Variants in NUDT12 observed in about 807,000 individuals in gnomAD.
The protein encoded by NUDT12 is nudix hydrolase 12, also known as NAD-capped RNA hydrolase NUDT12.
NUDT12 carries 42 observed loss-of-function variants against 45.7 expected under a neutral mutation model. That is an observed-to-expected ratio of 0.92 (90% CI 0.72 to 1.19). The LOEUF (loss-of-function observed/expected upper bound fraction) is 1.19. NUDT12 is among the 50% of genes most tolerant of loss of function. The probability of loss-of-function intolerance (pLI) is 0.00; values close to 1 mark genes in which losing one functional copy is unlikely to be tolerated. For missense variants in NUDT12, 590 were observed against 533.1 expected (o/e 1.11, Z -1.05); for synonymous variants, 206 against 179.7 (o/e 1.15, Z -1.17).
At chr5:103,553,121 T>C (rs561253417) in intron 5 of NUDT12, among the ~76,000 whole-genome samples, 15 of 152,184 alleles carry the variant, frequency 9.9e-5, no homozygotes, top group South Asian at 4.1e-4. Context: ...ATTTTAAATA[T>C]AGCTTTCTAT....
rs1271952078 is a variant in NUDT12, at chr5:103,550,747, A to G, written c.*114T>C. The G allele has an allele frequency of 6.0e-6, 4 of 667,142 alleles. No homozygotes were observed. Among genetic ancestry groups the G allele is most frequent in the Admixed American group, 5.4e-5 (2 of 36,762 alleles). 41.3% of individuals were successfully genotyped at this position (667,142 alleles called of 1,614,324 possible). A position where few individuals can be genotyped will look rare whatever the true frequency, so the allele number is the denominator to read the frequency against. Reference sequence around the variant, plus strand: ...ACTTTGAAAATATTTCGAAAACCCAACATCGTATTTTGTGTTGTGACACTC... The same window carrying G: ...ACTTTGAAAATATTTCGAAAACCCAGCATCGTATTTTGTGTTGTGACACTC... On this transcript the variant is annotated 3_prime_UTR_variant, in exon 7 of 7. Coordinates refer to ENST00000230792, the MANE Select transcript of NUDT12 (RefSeq NM_031438.4).
intron 1 of NUDT12, 79 bp from the exon 2 acceptor site, chr5:103,560,333 T>C (rs567010042): frequency 1.2e-6 from 1 of 810,880 alleles, no homozygotes; most frequent in South Asian, 1.6e-5. Flanking sequence ...TAAATAGCAA[T>C]AGAATAATAG....
rs1200751844 is a variant in NUDT12 at position 103,558,901 on chromosome 5, C to G, written c.774G>C (p.Leu258=). ...TACCAGCTTCTTTTTCTTTCAATTG[C>G]AGAAGGGCTGGCATAGGAGGATGAA... The part of the protein sequence containing the change: ...YFLHPPMPAL[L]QLKEKEAGVV... The change falls in exon 3 of 7, where the codon CTG becomes CTC. Residue 258 remains leucine (L), a synonymous_variant. Coordinates refer to ENST00000230792, the MANE Select transcript of NUDT12 (RefSeq NM_031438.4). The G allele has an allele frequency of 6.4e-7, 1 of 1,567,440 alleles. No homozygotes were observed. Among genetic ancestry groups the G allele is most frequent in the Non-Finnish European group, 8.6e-7 (1 of 1,162,148 alleles).
At chr5:103,559,948 A>G (rs746186581) in intron 2 of NUDT12, 95 bp downstream of exon 2, 2 of 808,130 alleles carry the variant, frequency 2.5e-6, no homozygotes, top group Non-Finnish European at 4.1e-6. Context: ...TAGTTCAACA[A>G]TATAAATATG....
At chr5:103,562,059 G>C (rs1405619683) in intron 1 of NUDT12, among the ~76,000 whole-genome samples, 1 of 152,128 alleles carries the variant, frequency 6.6e-6, no homozygotes, top group Admixed American at 6.5e-5. Context: ...GGTTATAGAA[G>C]GTAAAGATTT....
chr5:103,549,579 T>G lies in NUDT12; in HGVS notation c.*1282A>C, dbSNP rs1468106557. The G allele has an allele frequency of 6.6e-6, 1 of 152,006 alleles. No individual in the cohort carries two copies. The highest frequency in any genetic ancestry group is 1.5e-5 in the Non-Finnish European group (1 of 67,934). The allele number at this position is 152,006 out of a possible 1,614,324, so 9.4% of individuals were successfully genotyped here. On this transcript the variant is annotated 3_prime_UTR_variant, in exon 7 of 7. Coordinates refer to ENST00000230792, the MANE Select transcript of NUDT12 (RefSeq NM_031438.4). Reference sequence around the variant, plus strand: ...AGACTGTTGTAATTAGTTATGTAACTTTCACTAATTAGGTAAATTCACCTT... The same window carrying G: ...AGACTGTTGTAATTAGTTATGTAACGTTCACTAATTAGGTAAATTCACCTT...
intron 5 of NUDT12, among the ~76,000 whole-genome samples, chr5:103,552,639 T>A (rs1315171063): frequency 6.6e-6 from 1 of 152,196 alleles, no homozygotes; most frequent in African/African-American, 2.4e-5. Context: ...TTCGTTTTTT[T>A]AAGGTACAAA....
At chr5:103,557,339 A>C (rs1196835572) in intron 3 of NUDT12, among the ~76,000 whole-genome samples, 1 of 144,540 alleles carries the variant, frequency 6.9e-6, no homozygotes, top group East Asian at 2.0e-4. Flanking sequence ...AAAAAGTTTG[A>C]TGATTTCTCC....
At position 103,555,971 on chromosome 5, in the gene NUDT12, A is replaced by G. The variant is rs576469311; in HGVS notation, c.924T>C (p.Pro308=). ...YKRLCLKEDC[P]SLNGVHNTSY... Reference sequence around the variant, plus strand: ...AGGTATTATGGACGCCATTGAGACTAGGACAGTCTTCTTTTAAACATAATC... The same window carrying G: ...AGGTATTATGGACGCCATTGAGACTGGGACAGTCTTCTTTTAAACATAATC... The change falls in exon 4 of 7, where the codon CCT becomes CCC. Residue 308 remains proline (P), a synonymous_variant. Transcript: ENST00000230792. 32 of 1,609,658 alleles carry G rather than the reference A, an allele frequency of 2.0e-5. No homozygotes were observed. The South Asian group carries it at 3.2e-4, about 16-fold the overall frequency.
In NUDT12 at chr5:103,550,058, ATTCCT is replaced by A; in HGVS notation, c.*798_*802del. The A allele has an allele frequency of 6.6e-6, 1 of 152,294 alleles. No homozygotes were observed. Among genetic ancestry groups the A allele is most frequent in the Middle Eastern group, 3.4e-3 (1 of 294 alleles). 9.4% of individuals were successfully genotyped at this position (152,294 alleles called of 1,614,324 possible). ...ATTTAATATCCGACCTTTGAGGAGA[ATTCCT>A]TTCAAGTTTAATTTCAGTGCAAAAG... On this transcript the variant is annotated 3_prime_UTR_variant, in exon 7 of 7. Transcript: ENST00000230792.
At chr5:103,553,926 C>G (rs1288576577) in intron 5 of NUDT12, among the ~76,000 whole-genome samples, 3 of 151,888 alleles carry the variant, frequency 2.0e-5, no homozygotes, top group South Asian at 4.2e-4. Flanking sequence ...TGCCTTAGTG[C>G]CCCTACCTGC....
In NUDT12 at chr5:103,559,406, C is replaced by T. The variant is rs929555263; in HGVS notation, c.269G>A (p.Gly90Asp). 6.2e-7 allele frequency: 1 copy of T among 1,610,780 alleles called. No individual in the cohort carries two copies. The highest frequency in any genetic ancestry group is 8.5e-7 in the Non-Finnish European group (1 of 1,178,706). Residue 90 changes from glycine to aspartate, a missense_variant, in exon 3 of 7, where the codon GGT becomes GAT. Transcript: ENST00000230792. ...TAGTAAATTAGCTATATGCTTATAA[C>T]CCCAAAATACAGCAATGTCCAGTGC... Reference protein sequence around the residue: ...QTALDIAVFWGYKHIANLLAT... With the variant: ...QTALDIAVFWDYKHIANLLAT...
chr5:103,552,105 A>G (rs762659494), intron 6 of NUDT12, 112 bp downstream of exon 6: 17 of 755,972 alleles, frequency 2.2e-5, no homozygotes, highest in East Asian at 1.3e-4. Flanking sequence ...ATGCATAATG[A>G]GAGGGCCAAA....
chr5:103,556,444 G>C (rs556435870), intron 3 of NUDT12, among the ~76,000 whole-genome samples: 1 of 151,958 alleles, frequency 6.6e-6, no homozygotes, highest in Non-Finnish European at 1.5e-5. Flanking sequence ...TTTTACAATA[G>C]TGATTTTAAT....
chr5:103,555,852 G>T, intron 4 of NUDT12, 79 bp downstream of exon 4: 1 of 1,041,334 alleles, frequency 9.6e-7, no homozygotes, highest in Non-Finnish European at 1.3e-6. Context: ...AAACTCTTTA[G>T]CTCCTCACAA....
chr5:103,553,164 ATTAAC>A (rs1471519820), intron 5 of NUDT12, among the ~76,000 whole-genome samples: 1 of 152,062 alleles, frequency 6.6e-6, no homozygotes, highest in Non-Finnish European at 1.5e-5. Context: ...CTACATGAAA[ATTAAC>A]TTATAATAAT....
At chr5:103,562,250 G>A (rs954744986) in intron 1 of NUDT12, among the ~76,000 whole-genome samples, 2 of 152,102 alleles carry the variant, frequency 1.3e-5, no homozygotes, top group African/African-American at 4.8e-5. Context: ...AATGGGACAG[G>A]ACAGGACCTT....
chr5:103,560,324 A>G, intron 1 of NUDT12, 70 bp from the exon 2 acceptor site: 1 of 882,100 alleles, frequency 1.1e-6, no homozygotes, highest in South Asian at 1.5e-5. Flanking sequence ...CAATATTGAT[A>G]AATAGCAATA....
chr5:103,559,432 A>G lies in NUDT12; in HGVS notation c.243T>C (p.Thr81=). ...CCCAAAATACAGCAATGTCCAGTGC[A>G]GTCTGCCTTGATTTATTGACAATTG... ...DRSIVNKSRQ[T]ALDIAVFWGY... Residue 81 remains threonine, a synonymous_variant, in exon 3 of 7, where the codon ACT becomes ACC. Coordinates refer to ENST00000230792, the MANE Select transcript of NUDT12 (RefSeq NM_031438.4). 1 of 1,571,104 alleles carries G rather than the reference A, an allele frequency of 6.4e-7. No homozygotes were observed. The highest frequency in any genetic ancestry group is 8.6e-7 in the Non-Finnish European group (1 of 1,161,930).
Sources: allele counts gnomAD v4.1 joint callset (sites outside exome capture counted in the v4.1 genomes callset), GRCh38; gene constraint gnomAD v4.1.1; transcripts MANE v1.5; gene names NCBI Gene and HGNC (gene_info 2026-07-23, HGNC 2026-07-21).